The following WWC2 variants were observed in gnomAD, a reference collection of about 807,000 sequenced individuals.
WWC2 encodes protein WWC2.
In WWC2, 101 loss-of-function variants were observed where a neutral mutation model predicts 138.5. The observed-to-expected ratio is 0.73, with a 90% confidence interval of 0.62 to 0.86. WWC2 has a LOEUF of 0.86. Among genes scored for constraint, WWC2 ranks in the 40% least tolerant of loss-of-function variants. The pLI is 0.00. For missense variants in WWC2, 1,420 were observed against 1,419.4 expected (o/e 1.00, Z -0.01); for synonymous variants, 558 against 538.4 (o/e 1.04, Z -0.50).
At chr4:183,107,006 CT>C (rs934149168) in intron 1 of WWC2, among the ~76,000 whole-genome samples, 3 of 152,184 alleles carry the variant, frequency 2.0e-5, no homozygotes, top group African/African-American at 7.2e-5. Context: ...GACTGCTAGA[CT>C]GTTTACCACC....
intron 21 of WWC2, among the ~76,000 whole-genome samples, chr4:183,305,665 A>G (rs1739001785): frequency 6.6e-6 from 1 of 152,198 alleles, no homozygotes; most frequent in Non-Finnish European, 1.5e-5. Context: ...CCCAAACACA[A>G]AATTATTCTT....
intron 1 of WWC2, among the ~76,000 whole-genome samples, chr4:183,121,302 T>C (rs1732592921): frequency 6.6e-6 from 1 of 152,120 alleles, no homozygotes; most frequent in African/African-American, 2.4e-5. Flanking sequence ...TTGGGTGTTC[T>C]TGATCTGAAA....
intron 1 of WWC2, among the ~76,000 whole-genome samples, chr4:183,160,479 C>G (rs1367450904): frequency 1.3e-5 from 2 of 152,134 alleles, no homozygotes; most frequent in Non-Finnish European, 2.9e-5. Context: ...CATATTGAAT[C>G]AGTCCTGTGA....
At chr4:183,169,128 G>A (rs1397035647) in intron 1 of WWC2, among the ~76,000 whole-genome samples, 5 of 152,350 alleles carry the variant, frequency 3.3e-5, no homozygotes, top group Admixed American at 1.3e-4. Context: ...GATTGCAGGC[G>A]TGAACCACCA....
chr4:183,232,837 AG>A (rs1459478470), intron 4 of WWC2, among the ~76,000 whole-genome samples: 1 of 152,018 alleles, frequency 6.6e-6, no homozygotes, highest in Non-Finnish European at 1.5e-5. Context: ...TAGTAAAGAC[AG>A]GGTTTTGCTA....
chr4:183,228,144 C>T lies in WWC2; in HGVS notation c.523-12039C>T, dbSNP rs1736126576. On this transcript the variant is annotated intron_variant, in intron 4 of 22. Transcript: ENST00000403733. ...AAAAGATATACCAATCAAATCCTAA[C>T]AGAAAAACGCTGGTATACACAAATA... is the stretch of plus-strand genomic sequence containing the variant. 1.3e-5 allele frequency among the ~76,000 whole-genome samples: 2 copies of T among 151,958 alleles called. 1 individual carries two copies. Among genetic ancestry groups the T allele is most frequent in the African/African-American group, 4.8e-5 (2 of 41,306 alleles).
rs1284462188 is a variant in WWC2 at position 183,284,249 on chromosome 4, T to C, written c.2907T>C (p.Asp969=). The C allele has an allele frequency of 6.2e-7, 1 of 1,614,012 alleles. No homozygotes were observed. Among genetic ancestry groups the C allele is most frequent in the Middle Eastern group, 1.6e-4 (1 of 6,062 alleles). ...PTLVDKETNT[D]EAANDNMAVR... ...AGGTTGACAAAGAGACAAACACTGA[T>C]GAAGCCGCTAATGACAATATGGCAG... Residue 969 remains aspartate (D), a synonymous_variant, in exon 19 of 23, where the codon GAT becomes GAC. Coordinates refer to ENST00000403733, the MANE Select transcript of WWC2 (RefSeq NM_024949.6).
chr4:183,275,678 G>A (rs1737829774), intron 16 of WWC2, among the ~76,000 whole-genome samples: 1 of 123,014 alleles, frequency 8.1e-6, no homozygotes, highest in African/African-American at 3.1e-5. Context: ...TAGATCCTTT[G>A]TATGTTGTTG....
At chr4:183,141,405 T>C (rs1217244650) in intron 1 of WWC2, among the ~76,000 whole-genome samples, 1 of 152,176 alleles carries the variant, frequency 6.6e-6, no homozygotes, top group African/African-American at 2.4e-5. Context: ...ACCTCATTTA[T>C]CCTTAAATAC....
intron 1 of WWC2, among the ~76,000 whole-genome samples, chr4:183,129,386 C>T (rs752026359): frequency 2.6e-5 from 4 of 152,058 alleles, no homozygotes; most frequent in Admixed American, 6.5e-5. Context: ...GGATGATGGG[C>T]GTGGACTAGG....
chr4:183,274,638 G>A lies in WWC2; in HGVS notation c.2562+3397G>A, dbSNP rs117080178. On this transcript the variant is annotated intron_variant, in intron 16 of 22. Transcript: ENST00000403733. ...TCTGGTGCTATTGTGAATGGAACTG[G>A]GCTTTTAAAAGTTTTGTTCATCATG... is the stretch of plus-strand genomic sequence containing the variant. 1.4e-3 allele frequency among the ~76,000 whole-genome samples: 218 copies of A among 152,076 alleles called. 6 individuals carry two copies. In the East Asian group the frequency reaches 0.038, roughly 27 times the overall value.
At chr4:183,113,986 G>A (rs1044171071) in intron 1 of WWC2, among the ~76,000 whole-genome samples, 2 of 152,138 alleles carry the variant, frequency 1.3e-5, no homozygotes, top group Admixed American at 1.3e-4. Context: ...GACCGAGGGA[G>A]AATGTGGTTG....
chr4:183,116,301 C>G (rs1231977285), intron 1 of WWC2, among the ~76,000 whole-genome samples: 1 of 152,162 alleles, frequency 6.6e-6, no homozygotes, highest in East Asian at 1.9e-4. Flanking sequence ...AAGAGCCCTT[C>G]ACATATTTAT....
chr4:183,102,359 C>T (rs1364866145), intron 1 of WWC2, among the ~76,000 whole-genome samples: 1 of 152,126 alleles, frequency 6.6e-6, no homozygotes, highest in East Asian at 1.9e-4. Flanking sequence ...CTAGCATGGA[C>T]AGTATTTACT....
intron 6 of WWC2, among the ~76,000 whole-genome samples, chr4:183,246,940 A>G (rs1387557579): frequency 2.0e-5 from 3 of 152,204 alleles, no homozygotes; most frequent in Admixed American, 6.6e-5. Flanking sequence ...ATTTTAGGTC[A>G]TCTTTCATTC....
intron 1 of WWC2, among the ~76,000 whole-genome samples, chr4:183,185,007 T>G (rs924387162): frequency 6.6e-6 from 1 of 152,216 alleles, no homozygotes; most frequent in Non-Finnish European, 1.5e-5. Context: ...ATCACCTGGT[T>G]GGATTAGGGA....
chr4:183,296,135 T>G (rs1738623761), intron 21 of WWC2, among the ~76,000 whole-genome samples: 1 of 152,254 alleles, frequency 6.6e-6, no homozygotes, highest in Non-Finnish European at 1.5e-5. Flanking sequence ...ATAAAGGTGC[T>G]GCCATAGCTG....
chr4:183,197,722 G>A lies in WWC2; in HGVS notation c.241+4014G>A, dbSNP rs79364185. On this transcript the variant is annotated intron_variant, in intron 2 of 22. Coordinates refer to ENST00000403733, the MANE Select transcript of WWC2 (RefSeq NM_024949.6). ...AGTAAATCACTTTTTGGTAGAGTCA[G>A]AGTTGTACTGTAATTTTTTTTCTTT... 3.1e-3 allele frequency among the ~76,000 whole-genome samples: 476 copies of A among 152,266 alleles called. 1 individual carries two copies. The highest frequency in any genetic ancestry group is 0.011 in the African/African-American group (453 of 41,548).
chr4:183,141,083 G>A (rs1405966298), intron 1 of WWC2, among the ~76,000 whole-genome samples: 1 of 152,210 alleles, frequency 6.6e-6, no homozygotes, highest in Non-Finnish European at 1.5e-5. Flanking sequence ...AGGATTTCAA[G>A]GCTGTTAAGG....
Sources: allele counts gnomAD v4.1 joint callset (sites outside exome capture counted in the v4.1 genomes callset), GRCh38; gene constraint gnomAD v4.1.1; transcripts MANE v1.5; gene names NCBI Gene and HGNC (gene_info 2026-07-23, HGNC 2026-07-21).